The following SLC35F3 variants were observed in gnomAD, a reference collection of about 807,000 sequenced individuals.
The protein encoded by SLC35F3 is putative thiamine transporter SLC35F3.
In SLC35F3, 25 loss-of-function variants were observed where a neutral mutation model predicts 49.9. The ratio of observed to expected loss-of-function variants is 0.50; its 90% CI spans 0.37 to 0.70. SLC35F3 has a LOEUF of 0.70. Ranked by LOEUF, SLC35F3 falls within the 30% of genes least tolerant of loss-of-function variation. The pLI is 0.00. For synonymous variants in SLC35F3, 275 were observed against 265.4 expected, an observed-to-expected ratio of 1.04 and a Z score of -0.35; for missense variants, 525 against 639.8, an observed-to-expected ratio of 0.82 and a Z score of 1.94.
chr1:234,238,616 C>T (rs1010389676), intron 3 of SLC35F3, among the ~76,000 whole-genome samples: 15 of 152,048 alleles, frequency 9.9e-5, no homozygotes, highest in Non-Finnish European at 1.2e-4. Flanking sequence ...TCTGGCATCT[C>T]CCCCCACCCC....
At chr1:234,223,389 A>G (rs1667239272) in intron 2 of SLC35F3, among the ~76,000 whole-genome samples, 1 of 152,140 alleles carries the variant, frequency 6.6e-6, no homozygotes, top group Non-Finnish European at 1.5e-5. Flanking sequence ...ACCCCATTCC[A>G]GCCCCAAAAG....
At chr1:234,067,204 T>G (rs1664634913) in intron 2 of SLC35F3, among the ~76,000 whole-genome samples, 1 of 152,222 alleles carries the variant, frequency 6.6e-6, no homozygotes, top group Non-Finnish European at 1.5e-5. Context: ...ATTTGAGGCT[T>G]TTTGAGATCT....
intron 2 of SLC35F3, among the ~76,000 whole-genome samples, chr1:234,180,461 A>C (rs895173899): frequency 1.3e-5 from 2 of 152,232 alleles, no homozygotes; most frequent in African/African-American, 4.8e-5. Context: ...CTCCCTGCTA[A>C]GTGAGACCTA....
rs191201680 is a variant in SLC35F3 at position 234,075,788 on chromosome 1, T to A, written c.284-155629T>A. Among the ~76,000 whole-genome samples, 70 of 151,798 alleles carry A rather than the reference T, an allele frequency of 4.6e-4. 1 individual carries two copies. The highest frequency in any genetic ancestry group is 4.3e-3 in the Admixed American group (66 of 15,310). On this transcript the variant is annotated intron_variant, in intron 2 of 7. Coordinates refer to ENST00000366618, the MANE Select transcript of SLC35F3 (RefSeq NM_173508.4). ...TTCCTTTTGTTCCTAAGCAGGTAGC[T>A]ACAGATAAAAGGTTAAACAACACCA... is the stretch of plus-strand genomic sequence containing the variant.
Position 234,231,514 on chromosome 1 carries a change from C to T in SLC35F3, c.381C>T (p.Cys127=). 6.2e-7 allele frequency: 1 copy of T among 1,613,826 alleles called. No individual in the cohort carries two copies. Among genetic ancestry groups the T allele is most frequent in the Non-Finnish European group, 8.5e-7 (1 of 1,179,878 alleles). The change falls in exon 3 of 8, where the codon TGC becomes TGT. Residue 127 remains cysteine, a synonymous_variant. Transcript: ENST00000366618. This position sits in a 1 kb window ranked among gnomAD's most constrained non-coding sequence, Gnocchi z 5.4. ...GGRASRRCWT[C]SRAQLKKIFW... ...GAGCGAGTCGCCGCTGCTGGACGTGCTCCCGGGCGCAACTCAAGAAGATCT... is the reference window on the plus strand; with the variant it reads ...GAGCGAGTCGCCGCTGCTGGACGTGTTCCCGGGCGCAACTCAAGAAGATCT...
At chr1:233,924,352 T>A (rs1332135427) in intron 2 of SLC35F3, among the ~76,000 whole-genome samples, 1 of 152,242 alleles carries the variant, frequency 6.6e-6, no homozygotes, top group South Asian at 2.1e-4. Context: ...GGGATTCAAC[T>A]TCTTCCTGGT....
intron 2 of SLC35F3, among the ~76,000 whole-genome samples, chr1:234,119,141 A>G (rs1346979492): frequency 1.3e-5 from 2 of 152,138 alleles, no homozygotes; most frequent in Non-Finnish European, 2.9e-5. Flanking sequence ...GGCAGAAATC[A>G]CATGGCAGGG....
intron 2 of SLC35F3, among the ~76,000 whole-genome samples, chr1:234,187,621 C>A (rs1666664008): frequency 1.3e-5 from 2 of 152,186 alleles, no homozygotes; most frequent in Non-Finnish European, 2.9e-5. Context: ...GGAGGATCAT[C>A]CGCCCATGAA....
intron 2 of SLC35F3, among the ~76,000 whole-genome samples, chr1:234,209,141 G>A (rs2102939041): frequency 6.6e-6 from 1 of 152,292 alleles, no homozygotes; most frequent in African/African-American, 2.4e-5. Context: ...ATAGGGGTCA[G>A]AGGTCAAATG....
chr1:234,155,395 GATT>G (rs71583784), intron 2 of SLC35F3, among the ~76,000 whole-genome samples: 35 of 149,318 alleles, frequency 2.3e-4, no homozygotes, highest in Admixed American at 2.7e-4. Flanking sequence ...CTATTCACCT[GATT>G]ATTATTATTA....
chr1:234,271,711 A>T (rs1199968508), intron 3 of SLC35F3, among the ~76,000 whole-genome samples: 1 of 152,256 alleles, frequency 6.6e-6, no homozygotes, highest in East Asian at 1.9e-4. Context: ...GACTTTGTAC[A>T]CAAAGAAAAA....
chr1:234,009,664 G>T (rs1362009091), intron 2 of SLC35F3, among the ~76,000 whole-genome samples: 1 of 152,100 alleles, frequency 6.6e-6, no homozygotes, highest in Non-Finnish European at 1.5e-5. Context: ...TCAGAGTTCA[G>T]ATACGTAAAG....
At chr1:234,121,590 T>C (rs12092797) in intron 2 of SLC35F3, among the ~76,000 whole-genome samples, 3,064 of 152,192 alleles carry the variant, frequency 0.02, 108 homozygotes, top group African/African-American at 0.071. Context: ...ATACTTTAAG[T>C]TCTAGGGTAC....
At chr1:234,219,817 C>T (rs1469911664) in intron 2 of SLC35F3, among the ~76,000 whole-genome samples, 1 of 152,202 alleles carries the variant, frequency 6.6e-6, no homozygotes, top group Non-Finnish European at 1.5e-5. Flanking sequence ...AACTGCTTTT[C>T]CTGGAAGCAC....
intron 2 of SLC35F3, among the ~76,000 whole-genome samples, chr1:234,009,771 A>G (rs1663686044): frequency 6.6e-6 from 1 of 152,218 alleles, no homozygotes; most frequent in Non-Finnish European, 1.5e-5. Flanking sequence ...TTTATCACCT[A>G]CAAGTGAATC....
intron 4 of SLC35F3, among the ~76,000 whole-genome samples, chr1:234,313,583 T>G (rs1222285472): frequency 6.6e-6 from 1 of 152,094 alleles, no homozygotes; most frequent in Non-Finnish European, 1.5e-5. Context: ...TGTTTCAGGA[T>G]TGTTCCGTGG....
At chr1:234,296,316 CA>C (rs931491033) in intron 3 of SLC35F3, among the ~76,000 whole-genome samples, 69 of 143,392 alleles carry the variant, frequency 4.8e-4, no homozygotes, top group South Asian at 2.0e-3. Flanking sequence ...CTTTCTGCTT[CA>C]AAAAAAAAAA....
chr1:234,265,294 G>A (rs1005558241), intron 3 of SLC35F3, among the ~76,000 whole-genome samples: 1 of 151,992 alleles, frequency 6.6e-6, no homozygotes, highest in Non-Finnish European at 1.5e-5. Flanking sequence ...CAGTTGCACA[G>A]GCCAAAAATC....
intron 2 of SLC35F3, chr1:234,213,235 T>A (rs1236013193): frequency 6.6e-6 from 1 of 152,214 alleles, no homozygotes; most frequent in East Asian, 1.9e-4. Flanking sequence ...AATGACATAA[T>A]ACAATGAAGT....
Sources: allele counts gnomAD v4.1 joint callset (sites outside exome capture counted in the v4.1 genomes callset), GRCh38; gene constraint gnomAD v4.1.1; non-coding constraint Gnocchi (gnomAD v3.1); transcripts MANE v1.5; gene names NCBI Gene and HGNC (gene_info 2026-07-23, HGNC 2026-07-21).